RPS6KA2: variants seen among roughly 807,000 people sequenced by gnomAD.
RPS6KA2 encodes ribosomal protein S6 kinase A2.
Under a neutral mutation model 91.8 loss-of-function variants are expected in RPS6KA2, and 42 were observed. The ratio of observed to expected loss-of-function variants is 0.46; its 90% CI spans 0.36 to 0.59. RPS6KA2 has a LOEUF of 0.59. Among genes scored for constraint, RPS6KA2 ranks in the 20% least tolerant of loss-of-function variants. The probability of loss-of-function intolerance (pLI) is 0.00; values close to 1 mark genes in which losing one functional copy is unlikely to be tolerated. For missense variants in RPS6KA2, 798 were observed against 978.5 expected (o/e 0.82, Z 2.46); for synonymous variants, 414 against 393.6 (o/e 1.05, Z -0.61).
chr6:166,569,278 C>T (rs3799610), intron 1 of RPS6KA2, among the ~76,000 whole-genome samples: 45,273 of 152,082 alleles, frequency 0.3, 7,277 homozygotes, highest in East Asian at 0.56. Flanking sequence ...TCTTCCATGG[C>T]GGGTTTTCTT....
At chr6:166,649,236 C>T (rs1787773883) in intron 2 of RPS6KA2, among the ~76,000 whole-genome samples, 1 of 152,178 alleles carries the variant, frequency 6.6e-6, no homozygotes. Context: ...TGCGCTCCTG[C>T]CCCTGCCCTC....
intron 2 of RPS6KA2, among the ~76,000 whole-genome samples, chr6:166,745,517 A>G (rs937869325): frequency 1.3e-5 from 2 of 151,928 alleles, no homozygotes. Flanking sequence ...AGACCATTTT[A>G]CCTTCATCAC....
intron 2 of RPS6KA2, among the ~76,000 whole-genome samples, chr6:166,817,097 G>A (rs1779784498): frequency 6.6e-6 from 1 of 152,170 alleles, no homozygotes; most frequent in Non-Finnish European, 1.5e-5. Context: ...AGAGTAAATG[G>A]TGAAAAGGAA....
chr6:166,715,627 C>T lies in RPS6KA2; in HGVS notation c.123+142573G>A, dbSNP rs975985233. On this transcript the variant is annotated intron_variant, in intron 2 of 21. Coordinates refer to the RPS6KA2 transcript ENST00000503859. ...GTTGTTGTGAGAACATGACAGAGTG[C>T]CCTGGCACACACCGAGGCTATCTGG... 3.3e-5 allele frequency among the ~76,000 whole-genome samples: 5 copies of T among 152,100 alleles called. No homozygotes were observed. The East Asian group carries it at 9.7e-4, about 29-fold the overall frequency.
chr6:166,470,512 C>G (rs1334113603), intron 10 of RPS6KA2, among the ~76,000 whole-genome samples: 1 of 152,234 alleles, frequency 6.6e-6, no homozygotes, highest in Non-Finnish European at 1.5e-5. Context: ...TACCTAACCT[C>G]CTCCCTTACT....
At chr6:166,608,038 G>C (rs1357295907) in intron 1 of RPS6KA2, among the ~76,000 whole-genome samples, 1 of 151,846 alleles carries the variant, frequency 6.6e-6, no homozygotes, top group Non-Finnish European at 1.5e-5. Context: ...AAGAGAGAGA[G>C]AGACTGTCTT....
At chr6:166,507,552 A>C (rs1782282937) in intron 5 of RPS6KA2, among the ~76,000 whole-genome samples, 1 of 150,754 alleles carries the variant, frequency 6.6e-6, no homozygotes, top group African/African-American at 2.4e-5. Flanking sequence ...GCACACACAC[A>C]CCCACACACA....
In RPS6KA2 at chr6:166,850,362, T is replaced by C. The variant is rs150083174; in HGVS notation, c.123+7838A>G. On this transcript the variant is annotated intron_variant, in intron 2 of 21. Coordinates refer to the RPS6KA2 transcript ENST00000503859. ...AAAACCTATATATGTATATAAATCT[T>C]ACCAAAATTATTTAAATTGTCCATC... is the stretch of plus-strand genomic sequence containing the variant. Among the ~76,000 whole-genome samples the C allele has an allele frequency of 3.4e-4, 52 of 152,264 alleles. No individual in the cohort carries two copies. The East Asian group carries it at 0.01, about 29-fold the overall frequency.
intron 2 of RPS6KA2, among the ~76,000 whole-genome samples, chr6:166,739,684 CT>C (rs1790758884): frequency 6.6e-6 from 1 of 152,274 alleles, no homozygotes; most frequent in South Asian, 2.1e-4. Context: ...GCAAATCCCT[CT>C]GTCTGTGCCA....
intron 3 of RPS6KA2, among the ~76,000 whole-genome samples, chr6:166,521,485 T>C (rs1352160347): frequency 1.3e-5 from 2 of 152,254 alleles, no homozygotes; most frequent in East Asian, 3.8e-4. Context: ...TTAGACTTAC[T>C]TGGGACCTGT....
intron 2 of RPS6KA2, among the ~76,000 whole-genome samples, chr6:166,682,123 T>G (rs761471665): frequency 6.6e-6 from 1 of 152,338 alleles, no homozygotes; most frequent in South Asian, 2.1e-4. Flanking sequence ...ACCCAAGGAA[T>G]GTGATGTTGA....
chr6:166,726,222 T>A lies in RPS6KA2; in HGVS notation c.123+131978A>T, dbSNP rs985011600. 6.6e-6 allele frequency among the ~76,000 whole-genome samples: 1 copy of A among 152,084 alleles called. No homozygotes were observed. Among genetic ancestry groups the A allele is most frequent in the Admixed American group, 6.5e-5 (1 of 15,272 alleles). ...CAAAGTCCTAGCCACGGCCATCTGA[T>A]GTGGTAGAAGAATAAACTGAAAAGC... On this transcript the variant is annotated intron_variant, in intron 2 of 21. Transcript: ENST00000503859. The surrounding 1 kb of genome is among the most constrained non-coding windows in gnomAD (Gnocchi z 4.4).
At chr6:166,839,758 G>A (rs1780419117) in intron 2 of RPS6KA2, among the ~76,000 whole-genome samples, 1 of 145,894 alleles carries the variant, frequency 6.9e-6, no homozygotes, top group South Asian at 2.4e-4. Flanking sequence ...AGGGCCTCCA[G>A]CCAGGGTATG....
chr6:166,803,771 A>G (rs1333485539), intron 2 of RPS6KA2, among the ~76,000 whole-genome samples: 1 of 152,256 alleles, frequency 6.6e-6, no homozygotes, highest in African/African-American at 2.4e-5. Flanking sequence ...GAGATGTTTT[A>G]ATTTACATAC....
intron 2 of RPS6KA2, among the ~76,000 whole-genome samples, chr6:166,684,754 C>T (rs995150062): frequency 3.3e-5 from 5 of 152,328 alleles, no homozygotes; most frequent in East Asian, 1.9e-4. Context: ...CAGCCTACAT[C>T]GCTTTTACCT....
At chr6:166,631,478 A>G (rs1478098675), upstream of RPS6KA2, among the ~76,000 whole-genome samples, 1 of 152,234 alleles carries the variant, frequency 6.6e-6, no homozygotes, top group Non-Finnish European at 1.5e-5. Context: ...TTCACCTGCA[A>G]CACCTCCCCC....
rs773992324 is a variant in RPS6KA2, at chr6:166,737,820, A to C, written c.123+120380T>G. On this transcript the variant is annotated intron_variant, in intron 2 of 21. Coordinates refer to the RPS6KA2 transcript ENST00000503859. This position sits in a 1 kb window ranked among gnomAD's most constrained non-coding sequence, Gnocchi z 4.3. ...AAATTAAACTCAAATCCCTTTGGTT[A>C]TTTTTAAATCTGTATTAGTTATTTT... 2.6e-5 allele frequency among the ~76,000 whole-genome samples: 4 copies of C among 152,226 alleles called. No homozygotes were observed. The highest frequency in any genetic ancestry group is 4.4e-5 in the Non-Finnish European group (3 of 68,032).
At chr6:166,529,872 C>T (rs1783205008) in intron 3 of RPS6KA2, among the ~76,000 whole-genome samples, 1 of 152,218 alleles carries the variant, frequency 6.6e-6, no homozygotes, top group Non-Finnish European at 1.5e-5. Context: ...CATTTTCTTA[C>T]CATTGGTTGT....
chr6:166,691,121 C>T (rs1479794485), intron 2 of RPS6KA2, among the ~76,000 whole-genome samples: 1 of 152,122 alleles, frequency 6.6e-6, no homozygotes, highest in East Asian at 1.9e-4. Context: ...GCCGGGAGAC[C>T]TGCGCTCTGT....
Sources: gnomAD v4.1 joint callset for allele counts (sites outside exome capture counted in the v4.1 genomes callset) on GRCh38, gnomAD v4.1.1 for gene constraint, Gnocchi (gnomAD v3.1) non-coding constraint, MANE v1.5 for transcripts, NCBI Gene and HGNC (gene_info 2026-07-23, HGNC 2026-07-21) for gene names.